AGBL1: variants seen among roughly 807,000 people sequenced by gnomAD.
AGBL1 encodes the protein cytosolic carboxypeptidase 4.
Under a neutral mutation model 118.9 loss-of-function variants are expected in AGBL1, and 130 were observed. The ratio of observed to expected loss-of-function variants is 1.09; its 90% confidence interval spans 0.95 to 1.26. The LOEUF (loss-of-function observed/expected upper bound fraction) is 1.26. Among genes scored for constraint, AGBL1 ranks in the 50% most tolerant of loss-of-function variants. AGBL1 has a pLI of 0.00. For missense variants in AGBL1, 1,584 were observed against 1,298.1 expected (o/e 1.22, Z -3.38); for synonymous variants, 555 against 478.9 (o/e 1.16, Z -2.08).
chr15:86,912,340 G>C lies in AGBL1; in HGVS notation c.*5046G>C, dbSNP rs1054739077. ...ATAATGGAGGGGTGGCATCTCCAAG[G>C]GTTCCCAGGAGCTGCCACATTTACC... On this transcript the variant is annotated 3_prime_UTR_variant, in exon 23 of 23. Coordinates refer to ENST00000614907, the MANE Select transcript of AGBL1 (RefSeq NM_001386094.1). The C allele has an allele frequency of 6.6e-6, 1 of 152,102 alleles. No homozygotes were observed. Among genetic ancestry groups the C allele is most frequent in the Non-Finnish European group, 1.5e-5 (1 of 68,062 alleles). The allele number at this position is 152,102 out of a possible 1,614,324, so 9.4% of individuals were successfully genotyped here.
chr15:86,995,291 TGGAA>T (rs1285617818), intron 24 of AGBL1, among the ~76,000 whole-genome samples: 2 of 151,880 alleles, frequency 1.3e-5, no homozygotes, highest in Non-Finnish European at 2.9e-5. Flanking sequence ...GAGGCTGAGG[TGGAA>T]GGATCACCTG....
chr15:87,029,604 T>C (rs2081766575), downstream of AGBL1, among the ~76,000 whole-genome samples: 1 of 151,938 alleles, frequency 6.6e-6, no homozygotes, highest in African/African-American at 2.4e-5. Context: ...GAGATGACTA[T>C]AGTTATATGT....
At chr15:86,183,766 A>C (rs916711063) in intron 5 of AGBL1, among the ~76,000 whole-genome samples, 2 of 152,190 alleles carry the variant, frequency 1.3e-5, no homozygotes, top group Non-Finnish European at 2.9e-5. Flanking sequence ...TGAATCCCCC[A>C]AAAATGCTTT....
intron 4 of AGBL1, 94 bp from the exon 5 acceptor site, chr15:86,158,839 T>A: frequency 9.8e-7 from 1 of 1,016,048 alleles, no homozygotes; most frequent in Non-Finnish European, 1.5e-6. Flanking sequence ...TTTATCAAGT[T>A]GCCCCTTAAA....
chr15:86,823,117 C>T (rs1274705854), intron 22 of AGBL1, among the ~76,000 whole-genome samples: 5 of 152,066 alleles, frequency 3.3e-5, no homozygotes, highest in Admixed American at 1.3e-4. Flanking sequence ...TGTAATGAAA[C>T]CTGGAGTCAC....
intron 6 of AGBL1, among the ~76,000 whole-genome samples, chr15:86,246,715 G>T (rs2078726763): frequency 6.6e-6 from 1 of 152,152 alleles, no homozygotes; most frequent in Admixed American, 6.5e-5. Flanking sequence ...AAAAATGGAT[G>T]TGGAGGTTAC....
intron 18 of AGBL1, among the ~76,000 whole-genome samples, chr15:86,430,858 A>G (rs1315449231): frequency 6.6e-6 from 1 of 152,188 alleles, no homozygotes; most frequent in Non-Finnish European, 1.5e-5. Flanking sequence ...GAATTATTAA[A>G]CTGGTTGTTT....
At chr15:86,906,577 C>G (rs1281709851) in intron 22 of AGBL1, among the ~76,000 whole-genome samples, 1 of 152,110 alleles carries the variant, frequency 6.6e-6, no homozygotes, top group Non-Finnish European at 1.5e-5. Flanking sequence ...GAGTGGGAAA[C>G]ACGAGGGCTT....
intron 22 of AGBL1, among the ~76,000 whole-genome samples, chr15:86,729,372 A>G (rs117934703): frequency 2.6e-5 from 4 of 152,304 alleles, no homozygotes; most frequent in Non-Finnish European, 1.5e-5. Context: ...TGTAAGAATG[A>G]TCCTGTCACT....
At chr15:86,522,390 G>A (rs187185129) in intron 18 of AGBL1, among the ~76,000 whole-genome samples, 1 of 152,278 alleles carries the variant, frequency 6.6e-6, no homozygotes, top group East Asian at 1.9e-4. Flanking sequence ...TGTCTACCTT[G>A]CAGAGTTATT....
At chr15:86,672,866 A>G (rs187729635) in intron 21 of AGBL1, among the ~76,000 whole-genome samples, 13 of 152,336 alleles carry the variant, frequency 8.5e-5, no homozygotes, top group African/African-American at 3.1e-4. Context: ...CAAAACATGC[A>G]GCAAATCAGA....
chr15:86,366,268 C>G (rs572998237), intron 17 of AGBL1, among the ~76,000 whole-genome samples: 8 of 152,196 alleles, frequency 5.3e-5, no homozygotes, highest in Middle Eastern at 3.4e-3. Context: ...AGTTAACACA[C>G]CAGAATTTGG....
intron 23 of AGBL1, among the ~76,000 whole-genome samples, chr15:86,971,257 G>A (rs962891975): frequency 2.6e-5 from 4 of 151,994 alleles, no homozygotes; most frequent in African/African-American, 9.7e-5. Context: ...AGAAATGCTA[G>A]GAATCTTCAA....
At chr15:86,870,990 C>G (rs1366079929) in intron 22 of AGBL1, among the ~76,000 whole-genome samples, 1 of 152,202 alleles carries the variant, frequency 6.6e-6, no homozygotes. Flanking sequence ...TGCCCAGCAA[C>G]TAACTGCTTA....
intron 22 of AGBL1, among the ~76,000 whole-genome samples, chr15:86,885,970 C>A (rs1312258696): frequency 6.6e-6 from 1 of 152,176 alleles, no homozygotes; most frequent in African/African-American, 2.4e-5. Context: ...AACCTAAAGG[C>A]CTGATAGAAA....
At chr15:86,668,564 C>A (rs1017234809) in intron 21 of AGBL1, among the ~76,000 whole-genome samples, 2 of 152,080 alleles carry the variant, frequency 1.3e-5, no homozygotes, top group Admixed American at 1.3e-4. Context: ...TGCAATATTT[C>A]TTCACAGATT....
At chr15:86,815,026 T>A (rs1422350128) in intron 22 of AGBL1, among the ~76,000 whole-genome samples, 1 of 152,058 alleles carries the variant, frequency 6.6e-6, no homozygotes, top group Non-Finnish European at 1.5e-5. Context: ...ACTGTTTTGT[T>A]TTTTTTTAAT....
At chr15:86,171,485 G>T (rs1288579847) in intron 5 of AGBL1, among the ~76,000 whole-genome samples, 4 of 152,076 alleles carry the variant, frequency 2.6e-5, no homozygotes, top group Non-Finnish European at 4.4e-5. Context: ...CACTAAAACA[G>T]TTAAGAGTTA....
At position 86,139,429 on chromosome 15, in the gene AGBL1, G is replaced by C. The variant is rs1286930122; in HGVS notation, c.52-2575G>C. On this transcript the variant is annotated intron_variant, in intron 1 of 22. Coordinates refer to ENST00000614907, the MANE Select transcript of AGBL1 (RefSeq NM_001386094.1). ...AGGAGGAGTTCGTTCTTGTCAGTCA[G>C]GGAAGTCTTTCCATCAGAACATTTT... Among the ~76,000 whole-genome samples the C allele has an allele frequency of 4.6e-5, 7 of 152,198 alleles. No homozygotes were observed. In the East Asian group the frequency reaches 1.3e-3, roughly 29 times the overall value.
Sources: gnomAD v4.1 joint callset for allele counts (sites outside exome capture counted in the v4.1 genomes callset) on GRCh38, gnomAD v4.1.1 for gene constraint, MANE v1.5 for transcripts, NCBI Gene and HGNC (gene_info 2026-07-23, HGNC 2026-07-21) for gene names.